Variants in TOPORS observed in about 807,000 individuals in gnomAD.
TOPORS encodes TOP1 binding arginine/serine rich protein, E3 ubiquitin ligase, also known as E3 ubiquitin-protein ligase Topors.
Under a neutral mutation model 81.4 loss-of-function variants are expected in TOPORS, and 25 were observed. The ratio of observed to expected loss-of-function variants is 0.31; its 90% CI spans 0.22 to 0.43. TOPORS has a LOEUF of 0.43. TOPORS is among the 20% of genes least tolerant of loss of function. The pLI, the probability that TOPORS is intolerant of heterozygous loss-of-function variation, is 1.00. For missense variants in TOPORS, 1,101 were observed against 1,267.0 expected, an observed-to-expected ratio of 0.87 and a Z score of 1.99; for synonymous variants, 473 against 456.6, an observed-to-expected ratio of 1.04 and a Z score of -0.46.
At chr9:32,550,670 G>T in intron 2 of TOPORS, 104 bp downstream of exon 2, 1 of 1,369,932 alleles carries the variant, frequency 7.3e-7, no homozygotes, top group Non-Finnish European at 1.0e-6. Flanking sequence ...AGCCCCGCAG[G>T]CCATGACCGC....
Position 32,550,950 on chromosome 9 carries a change from C to T in TOPORS, c.22G>A (p.Gly8Arg), listed in dbSNP as rs369817395. The part of the protein sequence containing the change: MGSQPPL[G>R]SPLSREEGEA... The stretch of plus-strand genomic sequence containing the variant: ...CCCTCCTCGCGAGACAGCGGAGACC[C>T]CAGCGGCGGCTGCGACCCCTGTGAC... The change falls in exon 2 of 3, where the codon GGG becomes AGG. Residue 8 changes from glycine to arginine, a missense_variant. Gly to Arg is a moderately radical substitution (Grantham distance 125, BLOSUM62 -2). This residue lies in a region of TOPORS where 131 missense variants were observed against 101.0 expected (regional missense o/e 1.30). Transcript: ENST00000360538. 6.2e-7 allele frequency: 1 copy of T among 1,611,544 alleles called. No individual in the cohort carries two copies. Among genetic ancestry groups the T allele is most frequent in the African/African-American group, 1.3e-5 (1 of 74,930 alleles).
intron 2 of TOPORS, among the ~76,000 whole-genome samples, chr9:32,548,927 A>G (rs1328133237): frequency 6.6e-6 from 1 of 152,228 alleles, no homozygotes; most frequent in Non-Finnish European, 1.5e-5. Context: ...GCTCGAATCT[A>G]CATTTCAGGA....
rs1457989051 is a variant in TOPORS, at chr9:32,544,449, CTTTTG to C, written c.199-128_199-124del. On this transcript the variant is annotated intron_variant, in intron 2 of 2. Transcript: ENST00000360538. ...GTGAAAATACTTAAGTGACCCATTA[CTTTTG>C]TTTTATTTTATAAAGGGGCACTGTA... is the stretch of plus-strand genomic sequence containing the variant. 4.1e-6 allele frequency: 4 copies of C among 981,970 alleles called. No homozygotes were observed. The African/African-American group carries it at 4.9e-5, about 12-fold the overall frequency. The allele number at this position is 981,970 out of a possible 1,614,324, so 60.8% of individuals were successfully genotyped here. A position where few individuals can be genotyped will look rare whatever the true frequency, so the allele number is the denominator to read the frequency against.
rs769138689 is a variant in TOPORS, at chr9:32,550,789, C to A, written c.183G>T (p.Ala61=). The A allele has an allele frequency of 6.2e-7, 1 of 1,612,902 alleles. No homozygotes were observed. The highest frequency in any genetic ancestry group is 8.5e-7 in the Non-Finnish European group (1 of 1,179,698). The change falls in exon 2 of 3, where the codon GCG becomes GCT. Residue 61 remains alanine (A), a synonymous_variant. Transcript: ENST00000360538. ...TCTCACTCACCTCGGAGGATGCCGGCGCAGGCCTGGCTGGGGCGCTCGCCG... is the reference window on the plus strand; with the variant it reads ...TCTCACTCACCTCGGAGGATGCCGGAGCAGGCCTGGCTGGGGCGCTCGCCG... ...ELAASAPARP[A]PASSEIMASA... is the part of the protein sequence containing the mutation.
Position 32,542,717 on chromosome 9 carries a change from C to G in TOPORS, c.1808G>C (p.Arg603Pro). The G allele has an allele frequency of 6.2e-7, 1 of 1,614,014 alleles. No individual in the cohort carries two copies. The highest frequency in any genetic ancestry group is 8.5e-7 in the Non-Finnish European group (1 of 1,180,012). ...ATCATGCCCACTTCTACTCTGAGAA[C>G]GTGAATCTGAACTTCTTGATCTTCC... is the stretch of plus-strand genomic sequence containing the variant. The part of the protein sequence containing the change: ...KRGRSRSSDS[R>P]SQSRSGHDQK... The change falls in exon 3 of 3, where the codon CGT becomes CCT. Residue 603 changes from arginine (R) to proline (P), a missense_variant. Transcript: ENST00000360538.
At position 32,541,113 on chromosome 9, in the gene TOPORS, T is replaced by A; in HGVS notation, c.*274A>T. The A allele has an allele frequency of 3.6e-6, 1 of 280,646 alleles. No individual in the cohort carries two copies. Among genetic ancestry groups the A allele is most frequent in the South Asian group, 5.6e-5 (1 of 17,810 alleles). The allele number at this position is 280,646 out of a possible 1,614,324, so 17.4% of individuals were successfully genotyped here. ...TATGAAATAACTTCTAAAATTTATA[T>A]AATTTTTCTTATTTAAAAAGGACCC... On this transcript the variant is annotated 3_prime_UTR_variant, in exon 3 of 3. Transcript: ENST00000360538.
rs1340572731 is a variant in TOPORS, at chr9:32,552,414, G to T, written c.3+20C>A. On this transcript the variant is annotated intron_variant, in intron 1 of 2. Transcript: ENST00000360538. ...CCCGCAGCTCCCGCCAGCTCCCGCG[G>T]ACTGCTGCCGCCTCCTTACCATGAA... 5.6e-6 allele frequency: 9 copies of T among 1,608,988 alleles called. No homozygotes were observed. In the African/African-American group the frequency reaches 6.7e-5, roughly 12 times the overall value.
Position 32,550,944 on chromosome 9 carries a change from G to C in TOPORS, c.28C>G (p.Pro10Ala), listed in dbSNP as rs1475443819. 6.2e-7 allele frequency: 1 copy of C among 1,612,074 alleles called. No individual in the cohort carries two copies. Among genetic ancestry groups the C allele is most frequent in the Non-Finnish European group, 8.5e-7 (1 of 1,179,838 alleles). ...GCTTCACCCTCCTCGCGAGACAGCGGAGACCCCAGCGGCGGCTGCGACCCC... is the reference window on the plus strand; with the variant it reads ...GCTTCACCCTCCTCGCGAGACAGCGCAGACCCCAGCGGCGGCTGCGACCCC... MGSQPPLGS[P>A]LSREEGEAPP... is the part of the protein sequence containing the mutation. Residue 10 changes from proline to alanine, a missense_variant, in exon 2 of 3, where the codon CCG (proline) becomes GCG (alanine). This residue lies in a region of TOPORS where 131 missense variants were observed against 101.0 expected (regional missense o/e 1.30). Transcript: ENST00000360538.
rs918865207 is a variant in TOPORS, at chr9:32,541,536, C to T, written c.2989G>A (p.Asp997Asn). 8 of 1,614,012 alleles carry T rather than the reference C, an allele frequency of 5.0e-6. No homozygotes were observed. The East Asian group carries it at 8.9e-5, about 18-fold the overall frequency. The change falls in exon 3 of 3, where the codon GAT becomes AAT. Residue 997 changes from aspartate (D) to asparagine (N), a missense_variant. Asp to Asn is a conservative substitution (Grantham distance 23). This residue lies in a region of TOPORS where 605 missense variants were observed against 636.1 expected (regional missense o/e 0.95). Transcript: ENST00000360538. ...ACAAAGGTGCTCTCTTCTCTTACAT[C>T]GAGAGTTTGTTCAACTGAAGCTGCC... ...PLAASVEQTLDVREESTFVSD... is the reference protein window; with the variant it reads ...PLAASVEQTLNVREESTFVSD...
chr9:32,547,874 C>T (rs963363542), intron 2 of TOPORS, among the ~76,000 whole-genome samples: 1 of 152,086 alleles, frequency 6.6e-6, no homozygotes, highest in Non-Finnish European at 1.5e-5. Flanking sequence ...CTGTGTCGCC[C>T]AGGCTGGAAT....
rs1821096085 is a variant in TOPORS at position 32,543,195 on chromosome 9, T to C, written c.1330A>G (p.Ser444Gly). Residue 444 changes from serine to glycine, a missense_variant, in exon 3 of 3, where the codon AGT becomes GGT. Coordinates refer to ENST00000360538, the MANE Select transcript of TOPORS (RefSeq NM_005802.5). This position sits in a 1 kb window ranked among gnomAD's most constrained non-coding sequence, Gnocchi z 5.6. ...TMSSLLNTSD[S>G]SDEELVTGGA... ...CCTGTGACAAGTTCTTCATCTGAAC[T>C]GTCAGAAGTATTTAAAAGAGAAGAC... 3.1e-6 allele frequency: 5 copies of C among 1,613,878 alleles called. No individual in the cohort carries two copies. In the South Asian group the frequency reaches 4.4e-5, roughly 14 times the overall value.
rs1445979541 is a variant in TOPORS, at chr9:32,541,277, G to A, written c.*110C>T. Reference sequence around the variant, plus strand: ...AAAAAATCATTTAAAATATTGTAAGGAGGAAGAGAGTTTTCACCAAATGTC... The same window carrying A: ...AAAAAATCATTTAAAATATTGTAAGAAGGAAGAGAGTTTTCACCAAATGTC... On this transcript the variant is annotated 3_prime_UTR_variant, in exon 3 of 3. Coordinates refer to ENST00000360538, the MANE Select transcript of TOPORS (RefSeq NM_005802.5). The A allele has an allele frequency of 1.9e-6, 2 of 1,070,094 alleles. No homozygotes were observed. Among genetic ancestry groups the A allele is most frequent in the East Asian group, 2.6e-5 (1 of 38,896 alleles). 66.3% of individuals were successfully genotyped at this position (1,070,094 alleles called of 1,614,324 possible). A position where few individuals can be genotyped will look rare whatever the true frequency, so the allele number is the denominator to read the frequency against.
At chr9:32,550,994 A>G in intron 1 of TOPORS, 26 bp from the exon 2 acceptor site, 1 of 1,606,652 alleles carries the variant, frequency 6.2e-7, no homozygotes, top group South Asian at 1.1e-5. Context: ...CTCATCACCA[A>G]TGGCAGCTCG....
chr9:32,542,301 G>T lies in TOPORS; in HGVS notation c.2224C>A (p.Gln742Lys), dbSNP rs746540893. 1 of 1,614,094 alleles carries T rather than the reference G, an allele frequency of 6.2e-7. No homozygotes were observed. Among genetic ancestry groups the T allele is most frequent in the South Asian group, 1.1e-5 (1 of 91,066 alleles). ...RQSSSPEFRV[Q>K]SFSERTNARK... ...GCATTTGTTCTTTCAGAAAAGGACT[G>T]AACTCTAAATTCTGGACTTGAAGAC... is the stretch of plus-strand genomic sequence containing the variant. The change falls in exon 3 of 3, where the codon CAG becomes AAG. Residue 742 changes from glutamine to lysine, a missense_variant. Physicochemically the swap from Gln to Lys is moderately conservative, Grantham distance 53. This residue lies in a region of TOPORS where 605 missense variants were observed against 636.1 expected (regional missense o/e 0.95). Transcript: ENST00000360538.
chr9:32,550,955 G>T lies in TOPORS; in HGVS notation c.17C>A (p.Pro6Gln), dbSNP rs775421403. The T allele has an allele frequency of 3.1e-6, 5 of 1,611,222 alleles. No individual in the cohort carries two copies. Among genetic ancestry groups the T allele is most frequent in the South Asian group, 2.2e-5 (2 of 91,084 alleles). ...CTCGCGAGACAGCGGAGACCCCAGC[G>T]GCGGCTGCGACCCCTGTGACGCAAA... MGSQP[P>Q]LGSPLSREEG... Residue 6 changes from proline (P) to glutamine (Q), a missense_variant, in exon 2 of 3, where the codon CCG becomes CAG. Pro to Gln is a moderately conservative substitution (Grantham distance 76, BLOSUM62 -1). Transcript: ENST00000360538.
intron 2 of TOPORS, among the ~76,000 whole-genome samples, chr9:32,544,558 G>A (rs1202673891): frequency 3.3e-5 from 5 of 152,194 alleles, no homozygotes; most frequent in African/African-American, 7.2e-5. Flanking sequence ...CACTACCAGC[G>A]TGACTATGTG....
rs752252059 is a variant in TOPORS at position 32,552,430 on chromosome 9, T to C, written c.3+4A>G. On this transcript the variant is annotated splice_donor_region_variant and intron_variant, in intron 1 of 2. Transcript: ENST00000360538. ...GCTCCCGCGGACTGCTGCCGCCTCC[T>C]TACCATGAAGCCAGTAAGTCGTCGC... 1 of 1,609,434 alleles carries C rather than the reference T, an allele frequency of 6.2e-7. No individual in the cohort carries two copies. Among genetic ancestry groups the C allele is most frequent in the African/African-American group, 1.3e-5 (1 of 74,888 alleles).
At chr9:32,551,714 G>A in intron 1 of TOPORS, 1 of 396,126 alleles carries the variant, frequency 2.5e-6, no homozygotes, top group Non-Finnish European at 5.3e-6. Flanking sequence ...CCACCAAACT[G>A]CCGTGCTCGG....
intron 2 of TOPORS, among the ~76,000 whole-genome samples, chr9:32,545,508 T>C (rs1472409270): frequency 4.0e-5 from 6 of 151,764 alleles, no homozygotes; most frequent in African/African-American, 1.5e-4. Context: ...ATGCCTGTAA[T>C]CCAGCACTTT....
Sources: gnomAD v4.1 joint callset for allele counts (sites outside exome capture counted in the v4.1 genomes callset) on GRCh38, gnomAD v4.1.1 for gene constraint, gnomAD v4.1.1 regional missense constraint, Gnocchi (gnomAD v3.1) non-coding constraint, MANE v1.5 for transcripts, NCBI Gene and HGNC (gene_info 2026-07-23, HGNC 2026-07-21) for gene names.